TTC7A: variants seen among roughly 807,000 people sequenced by gnomAD.
TTC7A encodes the protein tetratricopeptide repeat protein 7A.
TTC7A carries 110 observed loss-of-function variants against 103.7 expected under a neutral mutation model. That is an observed-to-expected ratio of 1.06 (90% confidence interval 0.91 to 1.24). TTC7A has a LOEUF of 1.24. TTC7A is among the 50% of genes most tolerant of loss of function. The pLI, the probability that TTC7A is intolerant of heterozygous loss-of-function variation, is 0.00. For synonymous variants in TTC7A, 521 were observed against 467.9 expected (o/e 1.11, Z -1.47); for missense variants, 1,340 against 1,116.3 (o/e 1.20, Z -2.86).
intron 2 of TTC7A, among the ~76,000 whole-genome samples, chr2:46,928,775 A>G (rs747967396): frequency 1.3e-5 from 2 of 152,094 alleles, no homozygotes; most frequent in African/African-American, 2.4e-5. Flanking sequence ...AAAAGAAAAA[A>G]AAAAAGTCCC....
chr2:47,025,819 C>T (rs1679846963), intron 14 of TTC7A, among the ~76,000 whole-genome samples: 1 of 152,194 alleles, frequency 6.6e-6, no homozygotes, highest in Non-Finnish European at 1.5e-5. Context: ...CCTGTCCCCA[C>T]TCCTCACTCC....
At chr2:47,072,091 C>G (rs1036374287) in intron 19 of TTC7A, among the ~76,000 whole-genome samples, 30 of 151,170 alleles carry the variant, frequency 2.0e-4, no homozygotes, top group Admixed American at 8.5e-4. Context: ...CTGCTGGGGT[C>G]TGGCCCTTGG....
At chr2:46,983,550 T>C (rs1298699207) in intron 5 of TTC7A, among the ~76,000 whole-genome samples, 1 of 152,178 alleles carries the variant, frequency 6.6e-6, no homozygotes, top group Non-Finnish European at 1.5e-5. Context: ...CCTGCAGAGC[T>C]CTGTCTGCAG....
chr2:47,029,340 G>A lies in TTC7A; in HGVS notation c.1758G>A (p.Leu586=), dbSNP rs763957494. 3 of 1,613,932 alleles carry A rather than the reference G, an allele frequency of 1.9e-6. No individual in the cohort carries two copies. Among genetic ancestry groups the A allele is most frequent in the East Asian group, 4.5e-5 (2 of 44,900 alleles). The change falls in exon 15 of 20, where the codon CTG becomes CTA. Residue 586 remains leucine, a synonymous_variant. Transcript: ENST00000319190. The part of the protein sequence containing the change: ...FSAQKHHQHA[L]DVVNMAITEH... ...CCCAGAAGCACCACCAGCATGCCCT[G>A]GATGTTGTCAACATGGCCATCACCG... is the stretch of plus-strand genomic sequence containing the variant.
intron 3 of TTC7A, among the ~76,000 whole-genome samples, chr2:46,966,233 G>A (rs1368832850): frequency 6.6e-6 from 1 of 152,170 alleles, no homozygotes; most frequent in Non-Finnish European, 1.5e-5. Context: ...ACAGGTGTGA[G>A]CCACTGTGCT....
intron 11 of TTC7A, among the ~76,000 whole-genome samples, chr2:47,016,299 C>T (rs528050356): frequency 6.6e-6 from 1 of 152,200 alleles, no homozygotes. Flanking sequence ...ATGAAACCCT[C>T]CAGAGGGTAG....
chr2:46,918,389 G>A (rs1480509304), intron 2 of TTC7A, among the ~76,000 whole-genome samples: 2 of 152,200 alleles, frequency 1.3e-5, no homozygotes, highest in African/African-American at 4.8e-5. Flanking sequence ...AGTAGTAGAT[G>A]ATGCTGCTGG....
chr2:47,022,744 G>A (rs768766770), intron 12 of TTC7A, among the ~76,000 whole-genome samples: 1 of 152,196 alleles, frequency 6.6e-6, no homozygotes, highest in Non-Finnish European at 1.5e-5. Context: ...GCACATGCTG[G>A]TCAAGTGAGG....
In TTC7A at chr2:47,021,884, C is replaced by G; in HGVS notation, c.1415C>G (p.Ala472Gly). 1 of 1,614,142 alleles carries G rather than the reference C, an allele frequency of 6.2e-7. No individual in the cohort carries two copies. Among genetic ancestry groups the G allele is most frequent in the Middle Eastern group, 1.7e-4 (1 of 6,060 alleles). Residue 472 changes from alanine to glycine, a missense_variant, in exon 12 of 20, where the codon GCC (alanine) becomes GGC (glycine). Coordinates refer to ENST00000319190, the MANE Select transcript of TTC7A (RefSeq NM_020458.4). ...CAGCTAGAGGAAGCAGAGCACTTTG[C>G]CATGATGGTGATCAGCCTCGGAGAG... The part of the protein sequence containing the change: ...LRWLEEAEHF[A>G]MMVISLGEEA...
chr2:46,936,861 T>A (rs1238258295), upstream of TTC7A, among the ~76,000 whole-genome samples: 3 of 111,602 alleles, frequency 2.7e-5, no homozygotes, highest in Admixed American at 2.7e-4. Flanking sequence ...GATTCCAAAT[T>A]TTTTTTTTTT....
intron 15 of TTC7A, among the ~76,000 whole-genome samples, chr2:47,033,193 C>A (rs1680749112): frequency 6.6e-6 from 1 of 152,226 alleles, no homozygotes; most frequent in Admixed American, 6.5e-5. Context: ...GTGCCTCCAG[C>A]TGTTGCCAAG....
At chr2:46,976,957 T>A (rs1673943255) in intron 4 of TTC7A, among the ~76,000 whole-genome samples, 1 of 152,206 alleles carries the variant, frequency 6.6e-6, no homozygotes, top group Non-Finnish European at 1.5e-5. Flanking sequence ...TCAGCATGGT[T>A]GAGTTGACCT....
In TTC7A at chr2:46,995,187, C is replaced by A. The variant is rs779955931; in HGVS notation, c.1053C>A (p.Ile351=). The A allele has an allele frequency of 6.2e-7, 1 of 1,614,134 alleles. No homozygotes were observed. Among genetic ancestry groups the A allele is most frequent in the Non-Finnish European group, 8.5e-7 (1 of 1,180,000 alleles). ...AGGAAGCCCTCCTGCTCCTCCTCAT[C>A]AGCGAATCCATGGTAAGCTCCAGGA... is the stretch of plus-strand genomic sequence containing the variant. ...NIEEALLLLL[I]SESMATRDVV... is the part of the protein sequence containing the mutation. The change falls in exon 8 of 20, where the codon ATC becomes ATA. Residue 351 remains isoleucine, a synonymous_variant. Transcript: ENST00000319190.
chr2:46,996,946 A>G lies in TTC7A; in HGVS notation c.1065+1747A>G, dbSNP rs1676253310. 2.0e-5 allele frequency among the ~76,000 whole-genome samples: 3 copies of G among 151,524 alleles called. No homozygotes were observed. The South Asian group carries it at 6.3e-4, about 32-fold the overall frequency. The stretch of plus-strand genomic sequence containing the variant: ...GCCCTGGAATCATCTGTCTGGAAAC[A>G]CAGAGTTTTTTTTGTGGTGGTTGTT... On this transcript the variant is annotated intron_variant, in intron 8 of 19. Transcript: ENST00000319190.
chr2:47,051,610 C>G, intron 17 of TTC7A, 136 bp from the exon 18 acceptor site: 1 of 1,156,116 alleles, frequency 8.6e-7, no homozygotes, highest in African/African-American at 1.5e-5. Context: ...GAGCTGCTTT[C>G]TGGCTGCCCA....
chr2:47,027,867 G>GC (rs139154159), intron 14 of TTC7A, among the ~76,000 whole-genome samples: 28,793 of 152,166 alleles, frequency 0.19, 3,044 homozygotes, highest in African/African-American at 0.3. Flanking sequence ...ACCAGGACTG[G>GC]CAGCCTCTTT....
intron 16 of TTC7A, among the ~76,000 whole-genome samples, chr2:47,049,625 G>T (rs1160446370): frequency 4.6e-5 from 7 of 152,098 alleles, no homozygotes; most frequent in Non-Finnish European, 1.0e-4. Context: ...CCCACTCTCT[G>T]CCTGGCACTC....
At chr2:46,956,406 C>T (rs528791160) in intron 2 of TTC7A, among the ~76,000 whole-genome samples, 2 of 152,260 alleles carry the variant, frequency 1.3e-5, no homozygotes, top group South Asian at 4.1e-4. Context: ...TACATGTACA[C>T]AAGAGGACTC....
At chr2:46,927,737 A>T (rs749905608) in intron 2 of TTC7A, among the ~76,000 whole-genome samples, 1 of 152,136 alleles carries the variant, frequency 6.6e-6, no homozygotes, top group African/African-American at 2.4e-5. Context: ...AAAACAGTAT[A>T]TCTTCAAAGT....
Sources: allele counts gnomAD v4.1 joint callset (sites outside exome capture counted in the v4.1 genomes callset), GRCh38; gene constraint gnomAD v4.1.1; transcripts MANE v1.5; gene names NCBI Gene and HGNC (gene_info 2026-07-23, HGNC 2026-07-21).